ZNF704: variants seen among roughly 807,000 people sequenced by gnomAD.
ZNF704 encodes the protein zinc finger protein 704.
ZNF704 carries 10 observed loss-of-function variants against 44.7 expected under a neutral mutation model. The ratio of observed to expected loss-of-function variants is 0.22; its 90% CI spans 0.14 to 0.38. ZNF704 has a LOEUF of 0.38. Ranked by LOEUF, ZNF704 falls within the 10% of genes least tolerant of loss-of-function variation. The pLI is 1.00. For synonymous variants in ZNF704, 211 were observed against 207.6 expected, an observed-to-expected ratio of 1.02 and a Z score of -0.14; for missense variants, 390 against 545.5, an observed-to-expected ratio of 0.71 and a Z score of 2.84.
At chr8:80,765,936 G>GC (rs1205734625) in intron 2 of ZNF704, among the ~76,000 whole-genome samples, 1 of 152,052 alleles carries the variant, frequency 6.6e-6, no homozygotes, top group African/African-American at 2.4e-5. Flanking sequence ...CATCTACCAA[G>GC]CAATAATTCA....
chr8:80,705,410 C>G (rs1426800657), intron 2 of ZNF704, among the ~76,000 whole-genome samples: 1 of 149,660 alleles, frequency 6.7e-6, no homozygotes, highest in Non-Finnish European at 1.5e-5. Flanking sequence ...GTATGTGTGT[C>G]TGTCTGTGTT....
At chr8:80,651,121 GA>G (rs1309910927) in intron 7 of ZNF704, among the ~76,000 whole-genome samples, 1 of 152,228 alleles carries the variant, frequency 6.6e-6, no homozygotes. Flanking sequence ...AATGCTGAGA[GA>G]TTTTGTCACC....
At chr8:80,656,930 T>G (rs56035126) in intron 7 of ZNF704, among the ~76,000 whole-genome samples, 6,181 of 152,288 alleles carry the variant, frequency 0.041, 431 homozygotes, top group African/African-American at 0.14. Context: ...CCATCACTAA[T>G]ACAAATTCAT....
At chr8:80,764,695 AT>A (rs1807197755) in intron 2 of ZNF704, among the ~76,000 whole-genome samples, 1 of 152,142 alleles carries the variant, frequency 6.6e-6, no homozygotes, top group Admixed American at 6.6e-5. Context: ...AAGTTTGGTT[AT>A]TGCTTGGCCA....
At chr8:80,834,189 G>T (rs1808519343) in intron 1 of ZNF704, among the ~76,000 whole-genome samples, 1 of 143,952 alleles carries the variant, frequency 6.9e-6, no homozygotes, top group African/African-American at 2.8e-5. Context: ...GCGAGACCCT[G>T]ACTCAAAAAA....
intron 4 of ZNF704, among the ~76,000 whole-genome samples, chr8:80,671,769 C>T (rs766672295): frequency 2.6e-5 from 4 of 152,170 alleles, no homozygotes; most frequent in African/African-American, 4.8e-5. Flanking sequence ...AATGGGATCA[C>T]ATCACTGAAT....
At chr8:80,676,812 G>A (rs1162033013) in intron 4 of ZNF704, among the ~76,000 whole-genome samples, 1 of 152,166 alleles carries the variant, frequency 6.6e-6, no homozygotes. Flanking sequence ...CATAAGGAGC[G>A]CGCAATCTGG....
chr8:80,849,458 C>A (rs945505491), intron 1 of ZNF704, among the ~76,000 whole-genome samples: 1 of 152,146 alleles, frequency 6.6e-6, no homozygotes, highest in African/African-American at 2.4e-5. Context: ...CAGAAATAAA[C>A]CACACACAAC....
At chr8:80,655,513 G>A (rs1818000314) in intron 7 of ZNF704, among the ~76,000 whole-genome samples, 1 of 152,128 alleles carries the variant, frequency 6.6e-6, no homozygotes, top group South Asian at 2.1e-4. Flanking sequence ...ACAGTGCTTA[G>A]ACACAGTAAA....
intron 2 of ZNF704, among the ~76,000 whole-genome samples, chr8:80,751,718 G>C (rs1806947040): frequency 6.6e-6 from 1 of 152,124 alleles, no homozygotes; most frequent in Admixed American, 6.5e-5. Flanking sequence ...TGGTGTGAGT[G>C]GCATGACTTG....
intron 2 of ZNF704, among the ~76,000 whole-genome samples, chr8:80,704,591 C>A (rs567324429): frequency 1.3e-5 from 2 of 152,270 alleles, no homozygotes; most frequent in African/African-American, 4.8e-5. Flanking sequence ...CCGACCCCAA[C>A]CTCTGGGGGT....
intron 2 of ZNF704, among the ~76,000 whole-genome samples, chr8:80,694,935 T>C (rs1353681073): frequency 6.6e-6 from 1 of 152,192 alleles, no homozygotes; most frequent in Non-Finnish European, 1.5e-5. Context: ...TAAAACAAGC[T>C]TAAGAGTGCA....
intron 1 of ZNF704, among the ~76,000 whole-genome samples, chr8:80,857,769 A>G (rs1156422634): frequency 1.3e-5 from 2 of 152,138 alleles, no homozygotes; most frequent in African/African-American, 4.8e-5. Context: ...TCTTTTTTGT[A>G]AAGATTTTTG....
intron 2 of ZNF704, among the ~76,000 whole-genome samples, chr8:80,805,887 T>C (rs557388432): frequency 3.7e-4 from 56 of 152,308 alleles, no homozygotes; most frequent in East Asian, 1.3e-3. Context: ...ACTGGTTGCA[T>C]TGATCTCTCC....
chr8:80,698,324 G>C (rs571070517), intron 2 of ZNF704, among the ~76,000 whole-genome samples: 5 of 152,340 alleles, frequency 3.3e-5, no homozygotes, highest in Admixed American at 1.3e-4. Flanking sequence ...GAACAGGGCT[G>C]AGACTGGAAG....
intron 1 of ZNF704, among the ~76,000 whole-genome samples, chr8:80,864,744 T>C (rs1809126068): frequency 6.6e-6 from 1 of 152,090 alleles, no homozygotes; most frequent in Non-Finnish European, 1.5e-5. Context: ...CACAGGAGGG[T>C]GGGAAGGGCA....
chr8:80,790,447 G>GT (rs1428155102), intron 2 of ZNF704, among the ~76,000 whole-genome samples: 1 of 152,130 alleles, frequency 6.6e-6, no homozygotes, highest in Non-Finnish European at 1.5e-5. Flanking sequence ...CAGATGGTGT[G>GT]TTAGAAAGGT....
chr8:80,809,178 C>A (rs1586043045), intron 2 of ZNF704, among the ~76,000 whole-genome samples: 1 of 152,136 alleles, frequency 6.6e-6, no homozygotes, highest in East Asian at 1.9e-4. Context: ...GCAGTCCCAG[C>A]TACTCAGGAG....
At chr8:80,804,892 C>A (rs991699813) in intron 2 of ZNF704, among the ~76,000 whole-genome samples, 10 of 152,112 alleles carry the variant, frequency 6.6e-5, no homozygotes, top group Admixed American at 4.6e-4. Context: ...AGCTGTTCAT[C>A]TGGCTGAAAA....
Sources: allele counts gnomAD v4.1 joint callset (sites outside exome capture counted in the v4.1 genomes callset), GRCh38; gene constraint gnomAD v4.1.1; transcripts MANE v1.5; gene names NCBI Gene and HGNC (gene_info 2026-07-23, HGNC 2026-07-21).